The following TAFA2 variants were observed in gnomAD, a reference collection of about 807,000 sequenced individuals.
The protein encoded by TAFA2 is chemokine-like protein TAFA-2.
A neutral mutation model predicts 18.8 loss-of-function variants in TAFA2; 7 were observed. That is an observed-to-expected ratio of 0.37 (90% confidence interval 0.21 to 0.70). TAFA2 has a LOEUF of 0.70. TAFA2 is among the 30% of genes least tolerant of loss of function. The probability of loss-of-function intolerance (pLI) is 0.53; values close to 1 mark genes in which losing one functional copy is unlikely to be tolerated. For missense variants in TAFA2, 122 were observed against 158.1 expected, an observed-to-expected ratio of 0.77 and a Z score of 1.23; for synonymous variants, 60 against 54.2, an observed-to-expected ratio of 1.11 and a Z score of -0.47.
intron 2 of TAFA2, among the ~76,000 whole-genome samples, chr12:61,783,550 A>G (rs1354396133): frequency 3.3e-5 from 5 of 151,676 alleles, no homozygotes; most frequent in Non-Finnish European, 3.0e-5. Context: ...ATTAATGAAC[A>G]CTACAGATAT....
chr12:61,815,011 C>T (rs1165180361), intron 2 of TAFA2, among the ~76,000 whole-genome samples: 25 of 151,534 alleles, frequency 1.6e-4, no homozygotes, highest in Non-Finnish European at 4.4e-5. Context: ...AGATAATTAA[C>T]TTGTGTTGTT....
intron 4 of TAFA2, among the ~76,000 whole-genome samples, chr12:61,751,697 AAAT>A (rs1869023620): frequency 6.6e-6 from 1 of 152,034 alleles, no homozygotes. Flanking sequence ...TAACTAAAAC[AAAT>A]TATAGGATGT....
At chr12:61,857,373 T>A (rs1873927247) in intron 2 of TAFA2, among the ~76,000 whole-genome samples, 3 of 152,178 alleles carry the variant, frequency 2.0e-5, no homozygotes, top group Non-Finnish European at 4.4e-5. Context: ...GATATTCAAT[T>A]TAATTTTTTT....
At chr12:61,718,986 T>C (rs1869779277) in intron 4 of TAFA2, among the ~76,000 whole-genome samples, 1 of 152,160 alleles carries the variant, frequency 6.6e-6, no homozygotes, top group Admixed American at 6.5e-5. Context: ...ACTTCTTTGT[T>C]GGTTTGTGTT....
At chr12:61,756,537 T>C (rs1869275628) in intron 2 of TAFA2, among the ~76,000 whole-genome samples, 1 of 152,054 alleles carries the variant, frequency 6.6e-6, no homozygotes, top group Non-Finnish European at 1.5e-5. Flanking sequence ...ATACCACACA[T>C]CAGCCATGGT....
chr12:61,896,124 A>G (rs1389305311), intron 1 of TAFA2, among the ~76,000 whole-genome samples: 1 of 152,150 alleles, frequency 6.6e-6, no homozygotes, highest in African/African-American at 2.4e-5. Flanking sequence ...GGTCAGCAGG[A>G]TGGTACCTAA....
intron 2 of TAFA2, among the ~76,000 whole-genome samples, chr12:61,850,661 G>T (rs1391233761): frequency 1.3e-5 from 2 of 151,804 alleles, no homozygotes; most frequent in Non-Finnish European, 2.9e-5. Flanking sequence ...TTGGCTTTGA[G>T]ATTTTATTTT....
At chr12:61,876,501 G>A (rs190984339) in intron 1 of TAFA2, among the ~76,000 whole-genome samples, 11 of 152,248 alleles carry the variant, frequency 7.2e-5, no homozygotes, top group Admixed American at 3.3e-4. Flanking sequence ...TTAACAGCAC[G>A]CATTCAAGAG....
At chr12:61,872,782 G>A (rs947308015) in intron 1 of TAFA2, among the ~76,000 whole-genome samples, 1 of 151,928 alleles carries the variant, frequency 6.6e-6, no homozygotes, top group African/African-American at 2.4e-5. Context: ...TTGTGTAGTG[G>A]TCTGCTTTTC....
chr12:61,902,907 TAA>T (rs34736214), intron 1 of TAFA2, among the ~76,000 whole-genome samples: 82,372 of 151,494 alleles, frequency 0.54, 23,702 homozygotes, highest in African/African-American at 0.74. Flanking sequence ...CAAAAATTTA[TAA>T]GTCACCTGTG....
intron 1 of TAFA2, among the ~76,000 whole-genome samples, chr12:61,905,392 T>C (rs1397452378): frequency 6.6e-6 from 1 of 152,172 alleles, no homozygotes; most frequent in East Asian, 1.9e-4. Context: ...ACTATTACCC[T>C]AACATCAAGA....
chr12:61,948,349 A>G (rs541978820), intron 1 of TAFA2, among the ~76,000 whole-genome samples: 113 of 152,296 alleles, frequency 7.4e-4, no homozygotes, highest in African/African-American at 1.3e-3. Flanking sequence ...ATCTGAAGTA[A>G]GCATGACCTT....
chr12:62,123,145 C>T (rs1408114601), intron 1 of TAFA2, among the ~76,000 whole-genome samples: 1 of 152,126 alleles, frequency 6.6e-6, no homozygotes, highest in Non-Finnish European at 1.5e-5. Flanking sequence ...TATACTCAGC[C>T]ACATTTAAGT....
intron 4 of TAFA2, among the ~76,000 whole-genome samples, chr12:61,710,672 A>G (rs1007497463): frequency 1.3e-5 from 2 of 152,126 alleles, no homozygotes; most frequent in South Asian, 4.1e-4. Flanking sequence ...GACTAGAATT[A>G]TCCCAACTGG....
intron 1 of TAFA2, among the ~76,000 whole-genome samples, chr12:61,983,582 A>AT (rs1879716160): frequency 6.6e-6 from 1 of 151,936 alleles, no homozygotes; most frequent in Non-Finnish European, 1.5e-5. Context: ...TAGTTTTTGT[A>AT]TTTTTAGTAC....
intron 1 of TAFA2, among the ~76,000 whole-genome samples, chr12:61,891,220 T>C (rs563031692): frequency 6.6e-6 from 1 of 152,232 alleles, no homozygotes; most frequent in East Asian, 1.9e-4. Flanking sequence ...GTGAGAAAGA[T>C]TCAGCCAAAT....
chr12:62,047,279 G>C (rs1168625751), intron 1 of TAFA2, among the ~76,000 whole-genome samples: 1 of 152,070 alleles, frequency 6.6e-6, no homozygotes, highest in African/African-American at 2.4e-5. Flanking sequence ...AAAGCCTGGA[G>C]TTTAGGCCCT....
chr12:62,001,450 C>T (rs1880372894), intron 1 of TAFA2, among the ~76,000 whole-genome samples: 1 of 151,970 alleles, frequency 6.6e-6, no homozygotes, highest in Non-Finnish European at 1.5e-5. Flanking sequence ...AGCTTGTTTT[C>T]CTGCAATTAG....
intron 1 of TAFA2, among the ~76,000 whole-genome samples, chr12:61,877,113 G>C (rs528407775): frequency 6.6e-6 from 1 of 152,310 alleles, no homozygotes; most frequent in East Asian, 1.9e-4. Context: ...GAACTCAACT[G>C]ATTAAGAATC....
Sources: gnomAD v4.1 joint callset for allele counts (sites outside exome capture counted in the v4.1 genomes callset) on GRCh38, gnomAD v4.1.1 for gene constraint, MANE v1.5 for transcripts, NCBI Gene and HGNC (gene_info 2026-07-23, HGNC 2026-07-21) for gene names.